CBARP: variants seen among roughly 807,000 people sequenced by gnomAD.
CBARP encodes CACN subunit beta associated regulatory protein.
A neutral mutation model predicts 36.3 loss-of-function variants in CBARP; 24 were observed. That is an observed-to-expected ratio of 0.66 (90% CI 0.48 to 0.93). The LOEUF (loss-of-function observed/expected upper bound fraction) is 0.93, where lower values mean the gene tolerates loss of function less well. Among genes scored for constraint, CBARP ranks in the 40% least tolerant of loss-of-function variants. The pLI, the probability that CBARP is intolerant of heterozygous loss-of-function variation, is 0.00. For synonymous variants in CBARP, 586 were observed against 453.2 expected (o/e 1.29, Z -3.72); for missense variants, 1,146 against 980.4 (o/e 1.17, Z -2.26).
intron 5 of CBARP, 118 bp from the exon 6 acceptor site, chr19:1,234,860 G>T (rs2080943687): frequency 2.0e-6 from 3 of 1,500,254 alleles, no homozygotes; most frequent in Non-Finnish European, 2.7e-6. Flanking sequence ...GGGGCAACTG[G>T]CCAAGGCCGC....
chr19:1,234,174 C>T lies in CBARP; in HGVS notation c.768+17G>A. The T allele has an allele frequency of 6.7e-7, 1 of 1,500,040 alleles. No individual in the cohort carries two copies. Among genetic ancestry groups the T allele is most frequent in the Non-Finnish European group, 8.9e-7 (1 of 1,129,018 alleles). The allele number at this position is 1,500,040 out of a possible 1,614,324, so 92.9% of individuals were successfully genotyped here. On this transcript the variant is annotated intron_variant, in intron 7 of 9. Transcript: ENST00000650044. ...CCCCGGCTGTGGACACCATGGGGGACACGCAGGGGCCCTCACCGAGGTGCC... is the reference window on the plus strand; with the variant it reads ...CCCCGGCTGTGGACACCATGGGGGATACGCAGGGGCCCTCACCGAGGTGCC...
At chr19:1,230,809 C>T (rs2080879470) in intron 9 of CBARP, 3 of 1,458,996 alleles carry the variant, frequency 2.1e-6, no homozygotes, top group Non-Finnish European at 2.7e-6. Flanking sequence ...ACAGCAGAAC[C>T]CTTCAGGCCT....
chr19:1,233,575 T>C lies in CBARP; in HGVS notation c.830A>G (p.Glu277Gly). 1 of 1,610,616 alleles carries C rather than the reference T, an allele frequency of 6.2e-7. No homozygotes were observed. Among genetic ancestry groups the C allele is most frequent in the Non-Finnish European group, 8.5e-7 (1 of 1,179,140 alleles). ...ACCTGCCCCGGATCCCGGGCCCGCC[T>C]CCCCAGGCCCTGCTGCAGCCCCGGG... ...GGPGAAAGPG[E>G]AGPGSGAGTV... Residue 277 changes from glutamate (E) to glycine (G), a missense_variant, in exon 8 of 10, where the codon GAG becomes GGG. Glu to Gly is a moderately conservative substitution (Grantham distance 98). Transcript: ENST00000650044.
chr19:1,229,656 G>T lies in CBARP; in HGVS notation c.1641C>A (p.Asp547Glu). Residue 547 changes from aspartate (D) to glutamate (E), a missense_variant, in exon 10 of 10, where the codon GAC (aspartate) becomes GAA (glutamate). Coordinates refer to ENST00000650044, the MANE Select transcript of CBARP (RefSeq NM_001393918.1). The surrounding 1 kb of genome is among the most constrained non-coding windows in gnomAD (Gnocchi z 5.1). ...GGCGCAGGAACTCGTGGAACAGCGC[G>T]TCCGTCTTCTCGTCGATGCTGTAGT... ...RRDYSIDEKT[D>E]ALFHEFLRHD... is the part of the protein sequence containing the mutation. The T allele has an allele frequency of 8.6e-7, 1 of 1,161,914 alleles. No homozygotes were observed. Among genetic ancestry groups the T allele is most frequent in the Non-Finnish European group, 1.1e-6 (1 of 926,158 alleles). 72.0% of individuals were successfully genotyped at this position (1,161,914 alleles called of 1,614,324 possible).
rs777794179 is a variant in CBARP at position 1,235,065 on chromosome 19, G to A, written c.391C>T (p.Arg131Trp). The A allele has an allele frequency of 6.2e-7, 1 of 1,610,976 alleles. No individual in the cohort carries two copies. ...RFLSTSSTGR[R>W]VSFNEAALFE... ...AGCGCCGCCTCATTGAAGGAGACCC[G>A]GCGGCCCGTGGAGCTGGTGGACAGG... Residue 131 changes from arginine to tryptophan, a missense_variant, in exon 5 of 10, where the codon CGG becomes TGG. By Grantham distance (101) the Arg-to-Trp change is moderately radical (BLOSUM62 -3). Coordinates refer to ENST00000650044, the MANE Select transcript of CBARP (RefSeq NM_001393918.1).
At chr19:1,234,945 C>G (rs1362990174) in intron 5 of CBARP, 56 bp downstream of exon 5, 2 of 1,559,872 alleles carry the variant, frequency 1.3e-6, no homozygotes, top group Non-Finnish European at 1.7e-6. Flanking sequence ...TCCCCCGTCC[C>G]GGCGGCCAGG....
intron 7 of CBARP, 123 bp downstream of exon 7, chr19:1,234,068 C>T (rs906570837): frequency 3.8e-5 from 45 of 1,182,966 alleles, no homozygotes; most frequent in East Asian, 1.7e-4. Context: ...AATGACCCGG[C>T]GGGCCAAGGA....
At position 1,231,276 on chromosome 19, in the gene CBARP, C is replaced by A; in HGVS notation, c.980-1G>T. On this transcript the variant is annotated splice_acceptor_variant, in intron 8 of 9. Transcript: ENST00000650044. LOFTEE classifies it high-confidence loss of function. ...TGGAAGTGGTGCCGCTTGGGGGAAC[C>A]TGCGCACGGGATGTGCCGTAAGCGT... is the stretch of plus-strand genomic sequence containing the variant. 6.3e-7 allele frequency: 1 copy of A among 1,599,702 alleles called. No individual in the cohort carries two copies. The highest frequency in any genetic ancestry group is 8.5e-7 in the Non-Finnish European group (1 of 1,179,252).
chr19:1,234,544 A>T, intron 6 of CBARP, 27 bp downstream of exon 6: 2 of 1,578,768 alleles, frequency 1.3e-6, no homozygotes, highest in South Asian at 1.2e-5. Context: ...TCCCCCGAGG[A>T]ACCGGGGCTG....
chr19:1,235,036 A>G lies in CBARP; in HGVS notation c.420T>C (p.Phe140=), dbSNP rs2080946885. The G allele has an allele frequency of 2.5e-6, 4 of 1,610,676 alleles. No individual in the cohort carries two copies. The highest frequency in any genetic ancestry group is 1.3e-5 in the African/African-American group (1 of 74,958). The part of the protein sequence containing the change: ...RRVSFNEAAL[F]EQSRKTQDKG... ...TGTCCTGCGTCTTGCGGCTCTGCTC[A>G]AACAGCGCCGCCTCATTGAAGGAGA... The change falls in exon 5 of 10, where the codon TTT becomes TTC. Residue 140 remains phenylalanine (F), a synonymous_variant. Coordinates refer to ENST00000650044, the MANE Select transcript of CBARP (RefSeq NM_001393918.1).
At chr19:1,236,195 C>T in intron 1 of CBARP, 74 bp from the exon 2 acceptor site, 3 of 1,352,632 alleles carry the variant, frequency 2.2e-6, no homozygotes, top group South Asian at 1.9e-5. Context: ...CAAGCTGGGT[C>T]TTCCCTGCAG....
chr19:1,230,934 G>A, intron 9 of CBARP, 167 bp downstream of exon 9: 1 of 1,582,836 alleles, frequency 6.3e-7, no homozygotes, highest in African/African-American at 1.4e-5. Context: ...GTCCATGCTG[G>A]AGAGGTGGCC....
chr19:1,238,040 C>T (rs2080999913), upstream of CBARP: 1 of 147,820 alleles, frequency 6.8e-6, no homozygotes, highest in South Asian at 2.1e-4. Flanking sequence ...CTCCCCTTCC[C>T]TTCCGGCGGG....
intron 5 of CBARP, 97 bp from the exon 6 acceptor site, chr19:1,234,839 C>T (rs1299774847): frequency 3.9e-6 from 6 of 1,522,334 alleles, no homozygotes; most frequent in Non-Finnish European, 5.3e-6. Flanking sequence ...TGGGCAGGGG[C>T]AGGCGAAAGG....
Position 1,229,152 on chromosome 19 carries a change from CAG to C in CBARP, c.*25_*26del, listed in dbSNP as rs2080856215. On this transcript the variant is annotated 3_prime_UTR_variant, in exon 10 of 10. Transcript: ENST00000650044. The surrounding 1 kb of genome is among the most constrained non-coding windows in gnomAD (Gnocchi z 5.1). ...CCCCGTGCGGCGCCGGAGAAGCTGC[CAG>C]AGAGATGGGCCCAGGACGCGGGACT... is the stretch of plus-strand genomic sequence containing the variant. 1.0e-6 allele frequency: 1 copy of C among 992,652 alleles called. No homozygotes were observed. The highest frequency in any genetic ancestry group is 1.2e-6 in the Non-Finnish European group (1 of 811,152). 61.5% of individuals were successfully genotyped at this position (992,652 alleles called of 1,614,324 possible).
rs1010449456 is a variant in CBARP at position 1,229,486 on chromosome 19, G to GGTGCCGGGGTTCCGGCCA, written c.1793_1810dup (p.Leu598_Ala603dup). 18 of 979,094 alleles carry GGTGCCGGGGTTCCGGCCA rather than the reference G, an allele frequency of 1.8e-5. No homozygotes were observed. The African/African-American group carries it at 3.2e-4, about 17-fold the overall frequency. 60.7% of individuals were successfully genotyped at this position (979,094 alleles called of 1,614,324 possible). ...CGCGGGTCGGGCCGCGCCGGCAGGC[G>GGTGCCGGGGTTCCGGCCA]GTGCCGGGGTTCCGGCCAGGGCCGG... On this transcript the variant is annotated inframe_insertion, in exon 10 of 10. Coordinates refer to ENST00000650044, the MANE Select transcript of CBARP (RefSeq NM_001393918.1). This position sits in a 1 kb window ranked among gnomAD's most constrained non-coding sequence, Gnocchi z 5.1.
Position 1,229,896 on chromosome 19 carries a change from G to T in CBARP, c.1401C>A (p.Asp467Glu). The T allele has an allele frequency of 9.3e-7, 1 of 1,073,780 alleles. No homozygotes were observed. The highest frequency in any genetic ancestry group is 2.1e-5 in the South Asian group (1 of 48,684). 66.5% of individuals were successfully genotyped at this position (1,073,780 alleles called of 1,614,324 possible). A position where few individuals can be genotyped will look rare whatever the true frequency, so the allele number is the denominator to read the frequency against. ...GNDRDSVRSG[D>E]SSGSGSGGAA... ...CGCCCCCGGAGCCTGAGCCCGAGCT[G>T]TCGCCGCTGCGCACCGAGTCGCGGT... Residue 467 changes from aspartate to glutamate, a missense_variant, in exon 10 of 10, where the codon GAC (aspartate) becomes GAA (glutamate). Physicochemically the swap from Asp to Glu is conservative, Grantham distance 45. Coordinates refer to ENST00000650044, the MANE Select transcript of CBARP (RefSeq NM_001393918.1). This position sits in a 1 kb window ranked among gnomAD's most constrained non-coding sequence, Gnocchi z 5.1.
intron 8 of CBARP, among the ~76,000 whole-genome samples, chr19:1,231,668 G>A (rs117156572): frequency 0.037 from 5,341 of 146,028 alleles, 115 homozygotes; most frequent in South Asian, 0.081. Context: ...CACACACAAC[G>A]CGTGTGCCCT....
Position 1,229,798 on chromosome 19 carries a change from TG to T in CBARP, c.1498del (p.Gln500ArgfsTer328). 9.9e-7 allele frequency: 1 copy of T among 1,009,686 alleles called. No homozygotes were observed. 62.5% of individuals were successfully genotyped at this position (1,009,686 alleles called of 1,614,324 possible). A position where few individuals can be genotyped will look rare whatever the true frequency, so the allele number is the denominator to read the frequency against. On this transcript the variant is annotated frameshift_variant, in exon 10 of 10. Transcript: ENST00000650044. LOFTEE classifies it low-confidence loss of function (END_TRUNC). This position sits in a 1 kb window ranked among gnomAD's most constrained non-coding sequence, Gnocchi z 5.1. ...GATGCTGGCGTAGCCACTGTCCATC[TG>T]CAGCAGCCGGCGCGCCTCGCCGTCC... ...PKDGEARRLL[Q>X]MDSGYASIEG...
Sources: gnomAD v4.1 joint callset for allele counts (sites outside exome capture counted in the v4.1 genomes callset) on GRCh38, gnomAD v4.1.1 for gene constraint, Gnocchi (gnomAD v3.1) non-coding constraint, MANE v1.5 for transcripts, NCBI Gene and HGNC (gene_info 2026-07-23, HGNC 2026-07-21) for gene names.